Variants in ADAMTS14 observed in about 807,000 individuals in gnomAD.
ADAMTS14 encodes the protein A disintegrin and metalloproteinase with thrombospondin motifs 14.
Under a neutral mutation model 128.6 loss-of-function variants are expected in ADAMTS14, and 100 were observed. The ratio of observed to expected loss-of-function variants is 0.78; its 90% CI spans 0.66 to 0.92. ADAMTS14 has a LOEUF of 0.92. ADAMTS14 is among the 40% of genes least tolerant of loss of function. The pLI is 0.00. For synonymous variants in ADAMTS14, 665 were observed against 653.8 expected (o/e 1.02, Z -0.26); for missense variants, 1,562 against 1,658.6 (o/e 0.94, Z 1.01).
chr10:70,706,084 C>T (rs1000713306), intron 3 of ADAMTS14, among the ~76,000 whole-genome samples: 3 of 152,158 alleles, frequency 2.0e-5, no homozygotes, highest in Admixed American at 1.3e-4. Context: ...GGGCCCTGCT[C>T]TGCCCTGAGG....
At chr10:70,693,313 C>T (rs1308907154) in intron 2 of ADAMTS14, among the ~76,000 whole-genome samples, 1 of 152,178 alleles carries the variant, frequency 6.6e-6, no homozygotes, top group Non-Finnish European at 1.5e-5. Flanking sequence ...CAAAGACAGG[C>T]CATAGCAGAG....
At chr10:70,688,723 GGC>G in intron 2 of ADAMTS14, among the ~76,000 whole-genome samples, 1 of 90,962 alleles carries the variant, frequency 1.1e-5, no homozygotes, top group Non-Finnish European at 2.6e-5. Context: ...CAGGCGTGGC[GGC>G]GCGTGCCTGC....
At chr10:70,750,306 C>T (rs1468675945) in intron 16 of ADAMTS14, among the ~76,000 whole-genome samples, 1 of 152,140 alleles carries the variant, frequency 6.6e-6, no homozygotes, top group East Asian at 1.9e-4. Flanking sequence ...GGCATAATCC[C>T]ACATCTGTGT....
In ADAMTS14 at chr10:70,730,256, A is replaced by G. The variant is rs1311745970; in HGVS notation, c.1102+7A>G. 1 of 1,613,250 alleles carries G rather than the reference A, an allele frequency of 6.2e-7. No homozygotes were observed. On this transcript the variant is annotated splice_region_variant and intron_variant, in intron 6 of 21. Transcript: ENST00000373207. The stretch of plus-strand genomic sequence containing the variant: ...CAGGACTTTGGGCCCTCAGGTATGC[A>G]AGGTACTGTATTTGCCATGGCCAGG...
In ADAMTS14 at chr10:70,753,948, C is replaced by A; in HGVS notation, c.2878C>A (p.Arg960=). 1 of 1,585,288 alleles carries A rather than the reference C, an allele frequency of 6.3e-7. No homozygotes were observed. Among genetic ancestry groups the A allele is most frequent in the African/African-American group, 1.3e-5 (1 of 74,630 alleles). The change falls in exon 19 of 22, where the codon CGA becomes AGA. Residue 960 remains arginine (R), a synonymous_variant. Coordinates refer to ENST00000373207, the MANE Select transcript of ADAMTS14 (RefSeq NM_080722.4). Reference sequence around the variant, plus strand: ...CTGCGCCGGGGACCGGCCTGAGGCCCGACGGCCCTGTCTCCGAGTGCCCTG... The same window carrying A: ...CTGCGCCGGGGACCGGCCTGAGGCCAGACGGCCCTGTCTCCGAGTGCCCTG... ...KACAGDRPEA[R]RPCLRVPCPA... is the part of the protein sequence containing the mutation.
At position 70,749,992 on chromosome 10, in the gene ADAMTS14, C is replaced by T; in HGVS notation, c.2427+7C>T. ...TGAAGCCATTGCCATCCTGGTGAGC[C>T]CCACTCTGTGCGGTGGCAACCCCTG... On this transcript the variant is annotated splice_region_variant and intron_variant, in intron 16 of 21. Transcript: ENST00000373207. 6.2e-7 allele frequency: 1 copy of T among 1,613,636 alleles called. No individual in the cohort carries two copies. The highest frequency in any genetic ancestry group is 8.5e-7 in the Non-Finnish European group (1 of 1,179,866).
chr10:70,700,519 G>T (rs1300634463), intron 2 of ADAMTS14, among the ~76,000 whole-genome samples: 1 of 152,222 alleles, frequency 6.6e-6, no homozygotes, highest in African/African-American at 2.4e-5. Context: ...CATATAGCCT[G>T]TCTGGGAGGA....
Position 70,758,296 on chromosome 10 carries a change from T to TG in ADAMTS14, c.3178+11_3178+12insG. ...ACAAGATATCATCAAGTAAGTACAG[T>TG]CTATGGACCCTACCCTGCTCCCCAG... On this transcript the variant is annotated intron_variant, in intron 21 of 21. Transcript: ENST00000373207. 1 of 1,611,452 alleles carries TG rather than the reference T, an allele frequency of 6.2e-7. No individual in the cohort carries two copies. Among genetic ancestry groups the TG allele is most frequent in the Non-Finnish European group, 8.5e-7 (1 of 1,178,298 alleles).
At chr10:70,745,423 G>A in intron 15 of ADAMTS14, 117 bp downstream of exon 15, 2 of 1,036,606 alleles carry the variant, frequency 1.9e-6, no homozygotes, top group Non-Finnish European at 1.5e-6. Context: ...ACTAACTGGA[G>A]TAATGGGCAG....
chr10:70,729,568 C>T (rs1284868726), intron 5 of ADAMTS14, among the ~76,000 whole-genome samples, 191 bp downstream of exon 5: 2 of 152,046 alleles, frequency 1.3e-5, no homozygotes, highest in Non-Finnish European at 2.9e-5. Context: ...TTTATGGTTT[C>T]CTACAATCTG....
intron 4 of ADAMTS14, among the ~76,000 whole-genome samples, chr10:70,724,611 G>A (rs1841369997): frequency 2.0e-5 from 3 of 152,224 alleles, no homozygotes; most frequent in South Asian, 2.1e-4. Context: ...AGACATGGCA[G>A]CCCTGTCCAG....
intron 19 of ADAMTS14, among the ~76,000 whole-genome samples, chr10:70,757,604 C>T (rs1320675395): frequency 6.6e-6 from 1 of 152,128 alleles, no homozygotes; most frequent in Non-Finnish European, 1.5e-5. Flanking sequence ...TTAAAGAACC[C>T]AGGCACAGAC....
intron 2 of ADAMTS14, among the ~76,000 whole-genome samples, chr10:70,701,297 CACTT>C (rs1467225724): frequency 1.3e-5 from 2 of 152,370 alleles, no homozygotes; most frequent in Admixed American, 1.3e-4. Context: ...TTTATAAAAA[CACTT>C]CCTTCATTCA....
chr10:70,701,594 G>C (rs1840494288), intron 2 of ADAMTS14, among the ~76,000 whole-genome samples: 1 of 152,120 alleles, frequency 6.6e-6, no homozygotes, highest in Non-Finnish European at 1.5e-5. Context: ...CCTTCACTGG[G>C]GGATAATAAC....
chr10:70,738,991 G>C lies in ADAMTS14; in HGVS notation c.1748+1G>C. 3.1e-6 allele frequency: 5 copies of C among 1,605,094 alleles called. No individual in the cohort carries two copies. The Admixed American group carries it at 6.7e-5, about 22-fold the overall frequency. ...GCAGCCGGAGCTGCAACAACCCCTCGTGAGTGTGCTTGGCTAGGGTGGGGA... is the reference window on the plus strand; with the variant it reads ...GCAGCCGGAGCTGCAACAACCCCTCCTGAGTGTGCTTGGCTAGGGTGGGGA... On this transcript the variant is annotated splice_donor_variant, in intron 11 of 21. Coordinates refer to ENST00000373207, the MANE Select transcript of ADAMTS14 (RefSeq NM_080722.4). LOFTEE classifies it high-confidence loss of function.
rs1241539492 is a variant in ADAMTS14, at chr10:70,719,574, ATTTT to A, written c.871-9712_871-9709del. On this transcript the variant is annotated intron_variant, in intron 4 of 21. Coordinates refer to ENST00000373207, the MANE Select transcript of ADAMTS14 (RefSeq NM_080722.4). ...GGCTGACTGTGCCCAGCTAATTTTT[ATTTT>A]TTTTTTTAAAAAATAGACAAGGTCT... 1.8e-4 allele frequency among the ~76,000 whole-genome samples: 26 copies of A among 143,656 alleles called. No homozygotes were observed. In the East Asian group the frequency reaches 2.8e-3, roughly 15 times the overall value. 94.2% of individuals were successfully genotyped at this position (143,656 alleles called of 152,430 possible).
chr10:70,735,858 A>T (rs1242361722), intron 9 of ADAMTS14, among the ~76,000 whole-genome samples: 3 of 152,182 alleles, frequency 2.0e-5, no homozygotes, highest in Non-Finnish European at 2.9e-5. Flanking sequence ...AGCAGCTGCC[A>T]CCCAGGGCCC....
chr10:70,694,331 T>A (rs1840273679), intron 2 of ADAMTS14, among the ~76,000 whole-genome samples: 1 of 152,274 alleles, frequency 6.6e-6, no homozygotes, highest in Non-Finnish European at 1.5e-5. Flanking sequence ...CTCGTCTCCA[T>A]GCATGCATAT....
chr10:70,752,292 G>T lies in ADAMTS14; in HGVS notation c.2729+65G>T, dbSNP rs544156907. 7 of 1,586,274 alleles carry T rather than the reference G, an allele frequency of 4.4e-6. No homozygotes were observed. The South Asian group carries it at 5.7e-5, about 13-fold the overall frequency. ...GCCTAGCCCGGGCCCCAGGCAGCGG[G>T]GCTGCTGAGCCTGCTCCCCTCAGCA... On this transcript the variant is annotated intron_variant, in intron 18 of 21. Transcript: ENST00000373207.
Sources: gnomAD v4.1 joint callset for allele counts (sites outside exome capture counted in the v4.1 genomes callset) on GRCh38, gnomAD v4.1.1 for gene constraint, MANE v1.5 for transcripts, NCBI Gene and HGNC (gene_info 2026-07-23, HGNC 2026-07-21) for gene names.